The following LRPPRC variants were observed in gnomAD, a reference collection of about 807,000 sequenced individuals.
The protein encoded by LRPPRC is leucine rich pentatricopeptide repeat containing.
In LRPPRC, 120 loss-of-function variants were observed where a neutral mutation model predicts 180.3. The ratio of observed to expected loss-of-function variants is 0.67; its 90% CI spans 0.57 to 0.77. The LOEUF is 0.77. LRPPRC is among the 30% of genes least tolerant of loss of function. The probability of loss-of-function intolerance (pLI) is 0.00; values close to 1 mark genes in which losing one functional copy is unlikely to be tolerated. For synonymous variants in LRPPRC, 723 were observed against 600.0 expected (o/e 1.21, Z -3.00); for missense variants, 2,012 against 1,657.2 (o/e 1.21, Z -3.72).
chr2:43,995,936 C>A lies in LRPPRC; in HGVS notation c.12G>T (p.Leu4=). 6.6e-7 allele frequency: 1 copy of A among 1,525,732 alleles called. No individual in the cohort carries two copies. The highest frequency in any genetic ancestry group is 1.2e-5 in the South Asian group (1 of 83,166). 94.5% of individuals were successfully genotyped at this position (1,525,732 alleles called of 1,614,324 possible). A position where few individuals can be genotyped will look rare whatever the true frequency, so the allele number is the denominator to read the frequency against. The change falls in exon 1 of 38, where the codon CTG becomes CTT. Residue 4 remains leucine (L), a synonymous_variant. Transcript: ENST00000260665. Reference sequence around the variant, plus strand: ...GCAGCAACCAACGCGCGGATCTCAGCAGGGCTGCCATTGCTCGAACGTCCC... The same window carrying A: ...GCAGCAACCAACGCGCGGATCTCAGAAGGGCTGCCATTGCTCGAACGTCCC... MAA[L]LRSARWLLRA...
chr2:43,955,724 C>A (rs112028457), intron 14 of LRPPRC, among the ~76,000 whole-genome samples: 7 of 151,906 alleles, frequency 4.6e-5, no homozygotes, highest in Non-Finnish European at 1.0e-4. Flanking sequence ...GGGGACAGAG[C>A]GAGACCCTAT....
chr2:43,965,450 G>A (rs1249016398), intron 11 of LRPPRC, among the ~76,000 whole-genome samples: 1 of 152,120 alleles, frequency 6.6e-6, no homozygotes, highest in Non-Finnish European at 1.5e-5. Flanking sequence ...AGAAAACACT[G>A]GCCTTGACAA....
chr2:43,945,520 G>C (rs954119575), intron 21 of LRPPRC, 103 bp from the exon 22 acceptor site: 1 of 747,574 alleles, frequency 1.3e-6, no homozygotes, highest in African/African-American at 1.7e-5. Flanking sequence ...CAGAAGACCT[G>C]AACTAATGTT....
chr2:43,974,547 T>G, intron 8 of LRPPRC, 67 bp downstream of exon 8: 1 of 1,150,540 alleles, frequency 8.7e-7, no homozygotes, highest in Non-Finnish European at 1.3e-6. Context: ...AAATGTCCTT[T>G]CCATCATGTA....
At chr2:43,949,195 A>T (rs1177817237) in intron 16 of LRPPRC, among the ~76,000 whole-genome samples, 1 of 152,188 alleles carries the variant, frequency 6.6e-6, no homozygotes, top group Non-Finnish European at 1.5e-5. Context: ...AAAATCATTA[A>T]ATGTCAAAAC....
intron 12 of LRPPRC, among the ~76,000 whole-genome samples, chr2:43,961,438 G>T (rs1246962822): frequency 6.6e-6 from 1 of 152,152 alleles, no homozygotes; most frequent in African/African-American, 2.4e-5. Flanking sequence ...AGTATAATAA[G>T]AGTTGCTCGA....
chr2:43,895,018 C>T (rs1022065091), intron 35 of LRPPRC, among the ~76,000 whole-genome samples: 12 of 152,154 alleles, frequency 7.9e-5, no homozygotes, highest in African/African-American at 2.4e-4. Context: ...TTAAAACATT[C>T]TGAAGTGTTA....
At chr2:43,968,229 T>A (rs1673644463) in intron 11 of LRPPRC, among the ~76,000 whole-genome samples, 1 of 152,182 alleles carries the variant, frequency 6.6e-6, no homozygotes. Flanking sequence ...ACACTAGAAA[T>A]GGAAATATGC....
intron 1 of LRPPRC, among the ~76,000 whole-genome samples, chr2:43,993,384 T>C (rs1674872507): frequency 6.6e-6 from 1 of 152,188 alleles, no homozygotes; most frequent in South Asian, 2.1e-4. Context: ...ACTTTTGAAA[T>C]AATTTTTCAA....
intron 11 of LRPPRC, among the ~76,000 whole-genome samples, chr2:43,971,903 T>A (rs374906585): frequency 5.3e-5 from 8 of 152,342 alleles, no homozygotes; most frequent in African/African-American, 1.9e-4. Context: ...AAACTGACAA[T>A]CTTTTGCACT....
At position 43,925,059 on chromosome 2, in the gene LRPPRC, T is replaced by C. The variant is rs766145846; in HGVS notation, c.2896+8A>G. The C allele has an allele frequency of 4.2e-6, 6 of 1,414,900 alleles. No individual in the cohort carries two copies. The African/African-American group carries it at 5.6e-5, about 13-fold the overall frequency. 87.6% of individuals were successfully genotyped at this position (1,414,900 alleles called of 1,614,324 possible). Reference sequence around the variant, plus strand: ...AATGAAAGCGTGAAGAATAGTTAAATCACTTACTATACAGTTTTAGCAGAT... The same window carrying C: ...AATGAAAGCGTGAAGAATAGTTAAACCACTTACTATACAGTTTTAGCAGAT... On this transcript the variant is annotated splice_region_variant and intron_variant, in intron 27 of 37. Coordinates refer to ENST00000260665, the MANE Select transcript of LRPPRC (RefSeq NM_133259.4).
intron 12 of LRPPRC, 48 bp downstream of exon 12, chr2:43,963,540 G>C (rs1673437190): frequency 8.9e-7 from 1 of 1,126,534 alleles, no homozygotes; most frequent in African/African-American, 1.5e-5. Flanking sequence ...CATTAAGGAG[G>C]AAAGATATCC....
At chr2:43,991,851 G>C (rs149322967) in intron 1 of LRPPRC, among the ~76,000 whole-genome samples, 1 of 152,184 alleles carries the variant, frequency 6.6e-6, no homozygotes, top group Non-Finnish European at 1.5e-5. Flanking sequence ...ATCAAGCTCA[G>C]GGTGAATTTG....
chr2:43,980,297 G>A (rs1674244986), intron 2 of LRPPRC, among the ~76,000 whole-genome samples: 2 of 152,060 alleles, frequency 1.3e-5, no homozygotes, highest in South Asian at 2.1e-4. Flanking sequence ...GGCCAGGCGC[G>A]AATCCCAGTA....
chr2:43,946,535 C>T (rs889562913), intron 20 of LRPPRC, among the ~76,000 whole-genome samples: 1 of 151,930 alleles, frequency 6.6e-6, no homozygotes, highest in Admixed American at 6.6e-5. Flanking sequence ...AAAAAGACTT[C>T]CAGATTAAGT....
In LRPPRC at chr2:43,888,168, A is replaced by G. The variant is rs758432286; in HGVS notation, c.*432T>C. On this transcript the variant is annotated 3_prime_UTR_variant, in exon 38 of 38. Coordinates refer to ENST00000260665, the MANE Select transcript of LRPPRC (RefSeq NM_133259.4). ...TCGAAAGTTATGCAGGACTTCACACATGTACGGAATGGCTGTATCACAGAA... is the reference window on the plus strand; with the variant it reads ...TCGAAAGTTATGCAGGACTTCACACGTGTACGGAATGGCTGTATCACAGAA... The G allele has an allele frequency of 3.8e-5, 8 of 212,158 alleles. No individual in the cohort carries two copies. Among genetic ancestry groups the G allele is most frequent in the Non-Finnish European group, 6.6e-5 (7 of 105,558 alleles). The allele number at this position is 212,158 out of a possible 1,614,324, so 13.1% of individuals were successfully genotyped here.
At chr2:43,971,987 C>CTA (rs58480094) in intron 11 of LRPPRC, among the ~76,000 whole-genome samples, 30,829 of 152,044 alleles carry the variant, frequency 0.2, 3,852 homozygotes, top group African/African-American at 0.34. Context: ...AAAAAATTCA[C>CTA]TCTCTTTTAG....
chr2:43,926,587 G>A (rs1008338914), intron 25 of LRPPRC, among the ~76,000 whole-genome samples: 3 of 152,074 alleles, frequency 2.0e-5, no homozygotes, highest in African/African-American at 4.8e-5. Flanking sequence ...GGCTGGTCTC[G>A]AACTCCTAGC....
intron 25 of LRPPRC, among the ~76,000 whole-genome samples, chr2:43,928,515 C>T (rs1321111950): frequency 2.6e-5 from 4 of 152,072 alleles, no homozygotes; most frequent in Non-Finnish European, 4.4e-5. Flanking sequence ...AAAAACCGCC[C>T]GCCCTAGCCT....
Sources: allele counts gnomAD v4.1 joint callset (sites outside exome capture counted in the v4.1 genomes callset), GRCh38; gene constraint gnomAD v4.1.1; transcripts MANE v1.5; gene names NCBI Gene and HGNC (gene_info 2026-07-23, HGNC 2026-07-21).